Variants in COL28A1 observed in about 807,000 individuals in gnomAD.
COL28A1 encodes collagen type XXVIII alpha 1 chain, also known as collagen alpha-1(XXVIII) chain.
In COL28A1, 161 loss-of-function variants were observed where a neutral mutation model predicts 150.2. The observed-to-expected ratio is 1.07, with a 90% CI of 0.94 to 1.22. COL28A1 has a LOEUF of 1.22. Ranked by LOEUF, COL28A1 falls within the 50% of genes most tolerant of loss-of-function variation. The pLI is 0.00. For missense variants in COL28A1, 1,617 were observed against 1,388.3 expected, an observed-to-expected ratio of 1.16 and a Z score of -2.62; for synonymous variants, 552 against 469.7, an observed-to-expected ratio of 1.18 and a Z score of -2.26.
At chr7:7,509,374 C>T (rs573823099) in intron 9 of COL28A1, among the ~76,000 whole-genome samples, 4 of 152,274 alleles carry the variant, frequency 2.6e-5, no homozygotes, top group South Asian at 2.1e-4. Flanking sequence ...CCTCCCACTT[C>T]GGCCTAATTT....
In COL28A1 at chr7:7,380,989, G is replaced by T. The variant is rs2128288873; in HGVS notation, c.2206-127C>A. The T allele has an allele frequency of 6.7e-6, 5 of 751,352 alleles. No individual in the cohort carries two copies. The South Asian group carries it at 6.8e-5, about 10-fold the overall frequency. 46.5% of individuals were successfully genotyped at this position (751,352 alleles called of 1,614,324 possible). ...ACCTTCAGTTCTTGTTTATACAAAT[G>T]CAGTATTTGAAAAAAAATTGGGGGT... is the stretch of plus-strand genomic sequence containing the variant. On this transcript the variant is annotated intron_variant, in intron 28 of 34. Transcript: ENST00000399429.
chr7:7,455,788 G>A (rs2128334015), intron 16 of COL28A1, among the ~76,000 whole-genome samples: 1 of 152,244 alleles, frequency 6.6e-6, no homozygotes, highest in South Asian at 2.1e-4. Context: ...CATTTACCTT[G>A]TTAATTAGGT....
rs760556801 is a variant in COL28A1, at chr7:7,360,407, G to A, written c.3188C>T (p.Pro1063Leu). 2 of 1,590,052 alleles carry A rather than the reference G, an allele frequency of 1.3e-6. No individual in the cohort carries two copies. Among genetic ancestry groups the A allele is most frequent in the African/African-American group, 2.7e-5 (2 of 73,298 alleles). The change falls in exon 34 of 35, where the codon CCT becomes CTT. Residue 1063 changes from proline (P) to leucine (L), a missense_variant. Pro to Leu is a moderately conservative substitution (Grantham distance 98). Coordinates refer to ENST00000399429, the MANE Select transcript of COL28A1 (RefSeq NM_001037763.3). ...TTTPRPLLST[P>L]VDGAEDPRCL... Reference sequence around the variant, plus strand: ...TTACCTACCCTCTGCCCCATCCACAGGGGTGCTGAGCAGTGGCCTGGGGGT... The same window carrying A: ...TTACCTACCCTCTGCCCCATCCACAAGGGTGCTGAGCAGTGGCCTGGGGGT...
At chr7:7,363,969 T>C (rs1301669860) in intron 33 of COL28A1, among the ~76,000 whole-genome samples, 2 of 152,008 alleles carry the variant, frequency 1.3e-5, no homozygotes, top group Non-Finnish European at 2.9e-5. Context: ...TATAACCTTG[T>C]CTTCCACTAC....
chr7:7,350,813 G>C, the COL28A1 span, among the ~76,000 whole-genome samples: 1 of 151,646 alleles, frequency 6.6e-6, no homozygotes, highest in Non-Finnish European at 1.5e-5. Flanking sequence ...ATGATACTTT[G>C]GCATAATACC....
chr7:7,453,590 C>T, intron 16 of COL28A1, 82 bp from the exon 17 acceptor site: 3 of 758,250 alleles, frequency 4.0e-6, no homozygotes, highest in Non-Finnish European at 6.8e-6. Flanking sequence ...AGTTCATACC[C>T]CATAATAAGT....
chr7:7,396,322 G>T (rs1393610321), intron 27 of COL28A1, among the ~76,000 whole-genome samples: 1 of 152,072 alleles, frequency 6.6e-6, no homozygotes, highest in Admixed American at 6.6e-5. Context: ...TGATAACCCT[G>T]GGAGCAAGTA....
At chr7:7,420,130 G>A (rs910267022) in intron 25 of COL28A1, 177 bp from the exon 26 acceptor site, 5 of 389,282 alleles carry the variant, frequency 1.3e-5, no homozygotes, top group East Asian at 1.2e-4. Flanking sequence ...ACAGATCCAG[G>A]TCCATTTCAA....
chr7:7,524,255 A>G lies in COL28A1; in HGVS notation c.682-6T>C. On this transcript the variant is annotated splice_region_variant and splice_polypyrimidine_tract_variant and intron_variant, in intron 3 of 34. Transcript: ENST00000399429. ...TTCTTTTCAAATAAGATATCCTACAAGGGAAAAAAGAATGAAGCATTAACT... is the reference window on the plus strand; with the variant it reads ...TTCTTTTCAAATAAGATATCCTACAGGGGAAAAAAGAATGAAGCATTAACT... 1 of 1,345,206 alleles carries G rather than the reference A, an allele frequency of 7.4e-7. No individual in the cohort carries two copies. Among genetic ancestry groups the G allele is most frequent in the Non-Finnish European group, 1.1e-6 (1 of 935,120 alleles). The allele number at this position is 1,345,206 out of a possible 1,614,324, so 83.3% of individuals were successfully genotyped here. A position where few individuals can be genotyped will look rare whatever the true frequency, so the allele number is the denominator to read the frequency against.
chr7:7,526,395 G>A (rs28460422), intron 3 of COL28A1, among the ~76,000 whole-genome samples: 7,866 of 152,312 alleles, frequency 0.052, 195 homozygotes, highest in Middle Eastern at 0.11. Flanking sequence ...GCAAAAGCAA[G>A]TTGTAGATAG....
intron 18 of COL28A1, among the ~76,000 whole-genome samples, chr7:7,445,689 C>A (rs914628684): frequency 6.6e-6 from 1 of 151,946 alleles, no homozygotes; most frequent in African/African-American, 2.4e-5. Context: ...ATCTTTATGG[C>A]ATTTATTAAT....
In COL28A1 at chr7:7,370,877, G is replaced by C; in HGVS notation, c.2914C>G (p.Leu972Val). ...ATTTTTTGAAACAATTTTTGCTTCA[G>C]GGTGTCTTTTAAAAAAGAAGTAGAA... ...FDDFFTLQDT[L>V]KQKLFQKICE... Residue 972 changes from leucine to valine, a missense_variant, in exon 33 of 35, where the codon CTG (leucine) becomes GTG (valine). By Grantham distance (32) the Leu-to-Val change is conservative. Coordinates refer to ENST00000399429, the MANE Select transcript of COL28A1 (RefSeq NM_001037763.3). 2 of 1,606,530 alleles carry C rather than the reference G, an allele frequency of 1.2e-6. No individual in the cohort carries two copies. The highest frequency in any genetic ancestry group is 1.7e-6 in the Non-Finnish European group (2 of 1,174,374).
chr7:7,453,632 G>A (rs1786895034), intron 16 of COL28A1, 124 bp from the exon 17 acceptor site: 2 of 631,170 alleles, frequency 3.2e-6, no homozygotes, highest in African/African-American at 1.9e-5. Context: ...TGTGGAGTGG[G>A]GTGCCAGGGG....
chr7:7,452,475 A>G (rs1332028405), intron 17 of COL28A1, 88 bp from the exon 18 acceptor site: 7 of 1,480,606 alleles, frequency 4.7e-6, no homozygotes, highest in Non-Finnish European at 6.2e-6. Flanking sequence ...ATATCAACAA[A>G]GTAAAACAGT....
chr7:7,437,914 T>C (rs1785459095), intron 21 of COL28A1, among the ~76,000 whole-genome samples: 1 of 152,172 alleles, frequency 6.6e-6, no homozygotes, highest in African/African-American at 2.4e-5. Context: ...TTCCATTCCA[T>C]GTTATCTCAC....
chr7:7,520,435 C>T (rs144076790), intron 5 of COL28A1, among the ~76,000 whole-genome samples: 1 of 152,320 alleles, frequency 6.6e-6, no homozygotes, highest in African/African-American at 2.4e-5. Context: ...GTAGCTGCAA[C>T]AGGCAGAAGG....
intron 33 of COL28A1, among the ~76,000 whole-genome samples, chr7:7,362,533 G>T (rs1436469419): frequency 6.6e-6 from 1 of 152,008 alleles, no homozygotes; most frequent in Admixed American, 6.6e-5. Context: ...ACACAAGAGG[G>T]AAAAAGTAAT....
Position 7,462,018 on chromosome 7 carries a change from T to G in COL28A1, c.1303-5906A>C, listed in dbSNP as rs562151558. Reference sequence around the variant, plus strand: ...CCACTGGAGCAGGCGCTGGTATCCATGGCTGAGGGACCCACAGACGGTTCA... The same window carrying G: ...CCACTGGAGCAGGCGCTGGTATCCAGGGCTGAGGGACCCACAGACGGTTCA... On this transcript the variant is annotated intron_variant, in intron 15 of 34. Coordinates refer to ENST00000399429, the MANE Select transcript of COL28A1 (RefSeq NM_001037763.3). 4.6e-5 allele frequency among the ~76,000 whole-genome samples: 7 copies of G among 152,264 alleles called. No individual in the cohort carries two copies. In the East Asian group the frequency reaches 1.4e-3, roughly 29 times the overall value.
chr7:7,512,530 G>A (rs1781201106), intron 8 of COL28A1, among the ~76,000 whole-genome samples: 1 of 151,890 alleles, frequency 6.6e-6, no homozygotes, highest in South Asian at 2.1e-4. Context: ...ATTTTTAAAA[G>A]GTTAGTTTCC....
Sources: gnomAD v4.1 joint callset for allele counts (sites outside exome capture counted in the v4.1 genomes callset) on GRCh38, gnomAD v4.1.1 for gene constraint, MANE v1.5 for transcripts, NCBI Gene and HGNC (gene_info 2026-07-23, HGNC 2026-07-21) for gene names.